Variants in MPDZ observed in about 807,000 individuals in gnomAD.
MPDZ encodes the protein multiple PDZ domain protein.
MPDZ carries 234 observed loss-of-function variants against 239.1 expected under a neutral mutation model. The ratio of observed to expected loss-of-function variants is 0.98; its 90% CI spans 0.88 to 1.09. MPDZ has a LOEUF of 1.09. Among genes scored for constraint, MPDZ ranks in the 50% least tolerant of loss-of-function variants. The probability of loss-of-function intolerance (pLI) is 0.00; values close to 1 mark genes in which losing one functional copy is unlikely to be tolerated. For missense variants in MPDZ, 3,175 were observed against 2,510.0 expected, an observed-to-expected ratio of 1.26 and a Z score of -5.66; for synonymous variants, 1,048 against 881.3, an observed-to-expected ratio of 1.19 and a Z score of -3.35.
chr9:13,200,505 T>C (rs1309247936), intron 12 of MPDZ, among the ~76,000 whole-genome samples: 4 of 152,076 alleles, frequency 2.6e-5, no homozygotes, highest in African/African-American at 4.8e-5. Context: ...GGTTCATAAT[T>C]AGTTTGTTTA....
At position 13,111,827 on chromosome 9, in the gene MPDZ, G is replaced by A. The variant is rs1353205007; in HGVS notation, c.5724+197C>T. On this transcript the variant is annotated intron_variant, in intron 43 of 46. Coordinates refer to ENST00000319217, the MANE Select transcript of MPDZ (RefSeq NM_001378778.1). ...CAACTATAAATCTTCCTATTTAACT[G>A]CAAATCTGCATTTTCTCCTTTCTTT... Among the ~76,000 whole-genome samples, 4 of 152,116 alleles carry A rather than the reference G, an allele frequency of 2.6e-5. No homozygotes were observed. In the East Asian group the frequency reaches 5.8e-4, roughly 22 times the overall value.
In MPDZ at chr9:13,224,491, C is replaced by A; in HGVS notation, c.276G>T (p.Ser92=). 1 of 1,612,750 alleles carries A rather than the reference C, an allele frequency of 6.2e-7. No individual in the cohort carries two copies. Among genetic ancestry groups the A allele is most frequent in the Non-Finnish European group, 8.5e-7 (1 of 1,179,188 alleles). The change falls in exon 4 of 47, where the codon TCG becomes TCT. Residue 92 remains serine, a synonymous_variant. Transcript: ENST00000319217. The part of the protein sequence containing the change: ...PAVIPTLQNE[S]FLLSPNNGNL... ...TCCCATTGTTTGGGGATAATAAAAACGATTCATTTTGCAGAGTAGGAATCA... is the reference window on the plus strand; with the variant it reads ...TCCCATTGTTTGGGGATAATAAAAAAGATTCATTTTGCAGAGTAGGAATCA...
chr9:13,158,474 A>G (rs1338669260), intron 23 of MPDZ, among the ~76,000 whole-genome samples: 1 of 152,186 alleles, frequency 6.6e-6, no homozygotes, highest in Non-Finnish European at 1.5e-5. Flanking sequence ...AATGTGCAGG[A>G]AGCTAGAAGC....
chr9:13,235,349 T>A (rs1963663534), intron 3 of MPDZ, among the ~76,000 whole-genome samples: 2 of 152,198 alleles, frequency 1.3e-5, no homozygotes, highest in African/African-American at 4.8e-5. Flanking sequence ...AGCACAATTT[T>A]ACATTTTCTA....
At chr9:13,175,144 T>C (rs1235886536) in intron 21 of MPDZ, among the ~76,000 whole-genome samples, 1 of 152,130 alleles carries the variant, frequency 6.6e-6, no homozygotes, top group Non-Finnish European at 1.5e-5. Context: ...AGAGAACAAA[T>C]GTGCTCTGCC....
chr9:13,185,190 T>C (rs547731370), intron 18 of MPDZ, among the ~76,000 whole-genome samples: 86 of 152,028 alleles, frequency 5.7e-4, no homozygotes, highest in Non-Finnish European at 1.1e-3. Flanking sequence ...TTACCTGGTA[T>C]GTTAAGTATT....
chr9:13,202,085 T>A (rs190474177), intron 12 of MPDZ, among the ~76,000 whole-genome samples: 9 of 152,272 alleles, frequency 5.9e-5, no homozygotes, highest in Admixed American at 3.9e-4. Context: ...CTCTTCCAGT[T>A]TTTGCAAGTG....
At chr9:13,120,134 A>G (rs1422254910) in intron 38 of MPDZ, 1 of 156,412 alleles carries the variant, frequency 6.4e-6, no homozygotes, top group Admixed American at 6.4e-5. Flanking sequence ...TTAACTCAAA[A>G]TCTAAGTACC....
Position 13,121,774 on chromosome 9 carries a change from C to A in MPDZ, c.5196G>T (p.Pro1732=), listed in dbSNP as rs747834087. ...CAATACTTAATCCTAGGCCTTTTCC[C>A]GGCTTCTTCTGCAGCTCAATAGTGA... The part of the protein sequence containing the change: ...DTLTIELQKK[P]GKGLGLSIVG... Residue 1732 remains proline, a synonymous_variant, in exon 38 of 47, where the codon CCG becomes CCT. Transcript: ENST00000319217. The A allele has an allele frequency of 6.2e-7, 1 of 1,613,940 alleles. No homozygotes were observed. Among genetic ancestry groups the A allele is most frequent in the Non-Finnish European group, 8.5e-7 (1 of 1,179,880 alleles).
At chr9:13,160,818 T>A (rs1372525270) in intron 23 of MPDZ, among the ~76,000 whole-genome samples, 1 of 85,914 alleles carries the variant, frequency 1.2e-5, no homozygotes, top group Non-Finnish European at 2.4e-5. Context: ...TTTTTTCTTG[T>A]CATTATTAAA....
At chr9:13,221,289 T>G in intron 7 of MPDZ, 83 bp downstream of exon 7, 1 of 1,405,404 alleles carries the variant, frequency 7.1e-7, no homozygotes, top group Non-Finnish European at 9.4e-7. Context: ...AGGCCAAAGT[T>G]TCTTCTTTCC....
intron 1 of MPDZ, among the ~76,000 whole-genome samples, chr9:13,276,932 A>C (rs1564186946): frequency 6.6e-6 from 1 of 152,202 alleles, no homozygotes; most frequent in African/African-American, 2.4e-5. Flanking sequence ...TCATTTGTCA[A>C]GCAAAATCTC....
chr9:13,205,087 C>A lies in MPDZ; in HGVS notation c.1495G>T (p.Asp499Tyr). Residue 499 changes from aspartate (D) to tyrosine (Y), a missense_variant, in exon 12 of 47, where the codon GAT (aspartate) becomes TAT (tyrosine). Asp to Tyr is a radical substitution (Grantham distance 160). Coordinates refer to ENST00000319217, the MANE Select transcript of MPDZ (RefSeq NM_001378778.1). ...GTGTTTCTCGTCGAAGATAAAAAAT[C>A]TTCATCTTTTTCATAATTTTCTTAA... ...IIKENYEKDE[D>Y]FLSSTRNTNI... 1 of 1,445,282 alleles carries A rather than the reference C, an allele frequency of 6.9e-7. No individual in the cohort carries two copies. The highest frequency in any genetic ancestry group is 9.1e-7 in the Non-Finnish European group (1 of 1,098,696). The allele number at this position is 1,445,282 out of a possible 1,614,324, so 89.5% of individuals were successfully genotyped here.
In MPDZ at chr9:13,136,771, A is replaced by G. The variant is rs1450028090; in HGVS notation, c.4233T>C (p.His1411=). 1.9e-6 allele frequency: 3 copies of G among 1,602,948 alleles called. No individual in the cohort carries two copies. Among genetic ancestry groups the G allele is most frequent in the Admixed American group, 3.4e-5 (2 of 59,046 alleles). Residue 1411 remains histidine, a synonymous_variant, in exon 30 of 47, where the codon CAT becomes CAC. Coordinates refer to ENST00000319217, the MANE Select transcript of MPDZ (RefSeq NM_001378778.1). ...INGQILYGRS[H]QNASSIIKCA... is the part of the protein sequence containing the mutation. ...ATTTAATGATTGATGAGGCATTCTGATGACTTCTTCCATATAAAATCTGAC... is the reference window on the plus strand; with the variant it reads ...ATTTAATGATTGATGAGGCATTCTGGTGACTTCTTCCATATAAAATCTGAC...
At chr9:13,165,371 A>T in intron 22 of MPDZ, 1 of 1,549,532 alleles carries the variant, frequency 6.5e-7, no homozygotes, top group Non-Finnish European at 8.7e-7. Context: ...ACTCACACAT[A>T]AAAGGGGGCT....
chr9:13,118,440 T>A (rs1381791544), intron 39 of MPDZ, among the ~76,000 whole-genome samples: 1 of 152,098 alleles, frequency 6.6e-6, no homozygotes, highest in Non-Finnish European at 1.5e-5. Context: ...TACTTGAAAA[T>A]CCCTCCAGGA....
intron 1 of MPDZ, among the ~76,000 whole-genome samples, chr9:13,266,539 A>AT: frequency 6.6e-6 from 1 of 152,014 alleles, no homozygotes; most frequent in Non-Finnish European, 1.5e-5. Flanking sequence ...GAAATCAACA[A>AT]TTTTTTTTCA....
Position 13,106,928 on chromosome 9 carries a change from A to G in MPDZ, c.*37T>C. 6.2e-7 allele frequency: 1 copy of G among 1,609,036 alleles called. No individual in the cohort carries two copies. The highest frequency in any genetic ancestry group is 2.2e-5 in the East Asian group (1 of 44,790). On this transcript the variant is annotated 3_prime_UTR_variant, in exon 47 of 47. Transcript: ENST00000319217. ...TGCATTCTCTTTACAGTAGGAGGTGAGCTAGGGGTTGGGTTGGTTCAATTC... is the reference window on the plus strand; with the variant it reads ...TGCATTCTCTTTACAGTAGGAGGTGGGCTAGGGGTTGGGTTGGTTCAATTC...
chr9:13,196,084 T>C (rs1396503142), intron 13 of MPDZ, 37 bp downstream of exon 13: 2 of 1,391,492 alleles, frequency 1.4e-6, no homozygotes, highest in East Asian at 2.4e-5. Context: ...CAAATACAGT[T>C]ACAAGTTAGA....
Sources: gnomAD v4.1 joint callset for allele counts (sites outside exome capture counted in the v4.1 genomes callset) on GRCh38, gnomAD v4.1.1 for gene constraint, MANE v1.5 for transcripts, NCBI Gene and HGNC (gene_info 2026-07-23, HGNC 2026-07-21) for gene names.